The following ADTRP variants were observed in gnomAD, a reference collection of about 807,000 sequenced individuals.
The protein encoded by ADTRP is androgen-dependent TFPI-regulating protein.
A neutral mutation model predicts 27.0 loss-of-function variants in ADTRP; 20 were observed. The ratio of observed to expected loss-of-function variants is 0.74; its 90% CI spans 0.52 to 1.08. The LOEUF (loss-of-function observed/expected upper bound fraction) is 1.08. Among genes scored for constraint, ADTRP ranks in the 50% least tolerant of loss-of-function variants. ADTRP has a pLI of 0.00. For synonymous variants in ADTRP, 101 were observed against 105.2 expected (o/e 0.96, Z 0.25); for missense variants, 251 against 275.0 (o/e 0.91, Z 0.62).
At chr6:11,728,979 C>T (rs1762302381) in intron 4 of ADTRP, among the ~76,000 whole-genome samples, 2 of 152,206 alleles carry the variant, frequency 1.3e-5, no homozygotes, top group African/African-American at 4.8e-5. Context: ...CCATCTGCTA[C>T]GTGAACCTCT....
At chr6:11,771,461 G>A (rs1483868814) in intron 1 of ADTRP, among the ~76,000 whole-genome samples, 1 of 152,240 alleles carries the variant, frequency 6.6e-6, no homozygotes, top group Non-Finnish European at 1.5e-5. Context: ...GAGCGAGAGA[G>A]CCTCTCCCAG....
intron 1 of ADTRP, among the ~76,000 whole-genome samples, chr6:11,776,739 C>T (rs780301820): frequency 7.9e-5 from 12 of 152,154 alleles, no homozygotes; most frequent in Non-Finnish European, 1.0e-4. Context: ...ACTAGTGAGA[C>T]GCAGTCCTTA....
chr6:11,776,777 G>C (rs1335867995), intron 1 of ADTRP, among the ~76,000 whole-genome samples: 1 of 152,210 alleles, frequency 6.6e-6, no homozygotes, highest in African/African-American at 2.4e-5. Flanking sequence ...CTCCCAGGGA[G>C]AGGGAACCCG....
intron 5 of ADTRP, chr6:11,717,145 T>C (rs1761859237): frequency 1.3e-6 from 1 of 768,526 alleles, no homozygotes; most frequent in Non-Finnish European, 1.8e-6. Flanking sequence ...ATTGGAAAAT[T>C]ATGTTTATTA....
In ADTRP at chr6:11,735,644, GGAC is replaced by G. The variant is rs780299878; in HGVS notation, c.427_429del (p.Val143del). ...TTTGATGGATAGGAGTGAGGCCTGA[GGAC>G]GACTTCAGCCAATGTGATGGGGAAT... On this transcript the variant is annotated inframe_deletion, in exon 4 of 6. Transcript: ENST00000414691. 6.2e-6 allele frequency: 10 copies of G among 1,613,982 alleles called. No homozygotes were observed. Among genetic ancestry groups the G allele is most frequent in the Middle Eastern group, 1.6e-4 (1 of 6,084 alleles).
chr6:11,746,261 C>T (rs560631832), intron 3 of ADTRP, among the ~76,000 whole-genome samples: 1 of 152,270 alleles, frequency 6.6e-6, no homozygotes, highest in South Asian at 2.1e-4. Flanking sequence ...AGAGTATGGA[C>T]ATCACTGGGT....
At chr6:11,734,903 A>C (rs1762500120) in intron 4 of ADTRP, among the ~76,000 whole-genome samples, 1 of 152,188 alleles carries the variant, frequency 6.6e-6, no homozygotes, top group Admixed American at 6.5e-5. Flanking sequence ...AAGGAACAAA[A>C]GCATGGTGCT....
chr6:11,724,712 C>T (rs1762130888), intron 4 of ADTRP, among the ~76,000 whole-genome samples: 2 of 152,216 alleles, frequency 1.3e-5, no homozygotes, highest in Admixed American at 1.3e-4. Flanking sequence ...ATGTTACCTC[C>T]AGCAATTTCA....
Position 11,747,407 on chromosome 6 carries a change from T to C in ADTRP, c.391-11724A>G, listed in dbSNP as rs558789915. 3.3e-5 allele frequency among the ~76,000 whole-genome samples: 5 copies of C among 152,360 alleles called. 1 individual carries two copies. The highest frequency in any genetic ancestry group is 1.9e-4 in the East Asian group (1 of 5,192). ...AAAGCACAAGGGTTTGTTTTGTTTG[T>C]TTGTGTAGGGCACTTTAGCTTTCAA... On this transcript the variant is annotated intron_variant, in intron 3 of 5. Transcript: ENST00000414691.
intron 3 of ADTRP, among the ~76,000 whole-genome samples, chr6:11,740,771 T>C (rs574144327): frequency 6.6e-6 from 1 of 152,348 alleles, no homozygotes; most frequent in South Asian, 2.1e-4. Context: ...TTTTTAGGAA[T>C]ATTTTGTATC....
intron 1 of ADTRP, among the ~76,000 whole-genome samples, chr6:11,777,250 G>A (rs950509893): frequency 1.3e-5 from 2 of 149,466 alleles, no homozygotes; most frequent in East Asian, 1.9e-4. Context: ...GATCAGTTGT[G>A]TGTGTGTGTG....
intron 3 of ADTRP, among the ~76,000 whole-genome samples, chr6:11,738,778 C>T (rs1762622463): frequency 2.6e-5 from 4 of 152,180 alleles, no homozygotes. Context: ...ATGAATTCTC[C>T]CTGATGGCTT....
intron 3 of ADTRP, among the ~76,000 whole-genome samples, chr6:11,763,178 A>G (rs568221953): frequency 2.0e-5 from 3 of 152,226 alleles, no homozygotes; most frequent in Non-Finnish European, 4.4e-5. Context: ...TAGAGACACA[A>G]TGTGCTTAGA....
At chr6:11,755,413 CA>C (rs1763183487) in intron 3 of ADTRP, among the ~76,000 whole-genome samples, 3 of 152,236 alleles carry the variant, frequency 2.0e-5, no homozygotes, top group Non-Finnish European at 4.4e-5. Context: ...GGCATGCTTT[CA>C]TCATCCTGGT....
intron 1 of ADTRP, among the ~76,000 whole-genome samples, chr6:11,769,678 A>G (rs1043792003): frequency 2.0e-5 from 3 of 152,118 alleles, no homozygotes; most frequent in Non-Finnish European, 2.9e-5. Context: ...AAAATAATCT[A>G]TACTTATATA....
At chr6:11,741,174 G>T (rs554164756) in intron 3 of ADTRP, among the ~76,000 whole-genome samples, 25 of 152,244 alleles carry the variant, frequency 1.6e-4, no homozygotes, top group Admixed American at 3.3e-4. Context: ...GCTATCACAG[G>T]TTCCCCAGCC....
At chr6:11,727,554 G>A (rs1762249270) in intron 4 of ADTRP, among the ~76,000 whole-genome samples, 1 of 152,262 alleles carries the variant, frequency 6.6e-6, no homozygotes, top group African/African-American at 2.4e-5. Flanking sequence ...TAGGGCTTCT[G>A]AATTCCCATG....
Position 11,741,563 on chromosome 6 carries a change from A to G in ADTRP, c.391-5880T>C, listed in dbSNP as rs372241946. Reference sequence around the variant, plus strand: ...ATCTTCTGAAGAGAATTTTTCAGGGATCTTTTACTTACTACACTGCTGTCC... The same window carrying G: ...ATCTTCTGAAGAGAATTTTTCAGGGGTCTTTTACTTACTACACTGCTGTCC... On this transcript the variant is annotated intron_variant, in intron 3 of 5. Transcript: ENST00000414691. 2.0e-5 allele frequency among the ~76,000 whole-genome samples: 3 copies of G among 152,332 alleles called. No homozygotes were observed. The East Asian group carries it at 5.8e-4, about 29-fold the overall frequency.
chr6:11,729,820 C>A (rs764857511), intron 4 of ADTRP, among the ~76,000 whole-genome samples: 1 of 152,128 alleles, frequency 6.6e-6, no homozygotes, highest in South Asian at 2.1e-4. Flanking sequence ...TACTTATACC[C>A]AAGACGATTA....
Sources: gnomAD v4.1 joint callset for allele counts (sites outside exome capture counted in the v4.1 genomes callset) on GRCh38, gnomAD v4.1.1 for gene constraint, MANE v1.5 for transcripts, NCBI Gene and HGNC (gene_info 2026-07-23, HGNC 2026-07-21) for gene names.